CDH26: variants seen among roughly 807,000 people sequenced by gnomAD.
The protein encoded by CDH26 is cadherin 26.
Under a neutral mutation model 90.3 loss-of-function variants are expected in CDH26, and 83 were observed. The ratio of observed to expected loss-of-function variants is 0.92; its 90% CI spans 0.77 to 1.10. The LOEUF (loss-of-function observed/expected upper bound fraction) is 1.10, where lower values mean the gene tolerates loss of function less well. CDH26 is among the 50% of genes least tolerant of loss of function. The pLI, the probability that CDH26 is intolerant of heterozygous loss-of-function variation, is 0.00. For synonymous variants in CDH26, 397 were observed against 396.3 expected (o/e 1.00, Z -0.02); for missense variants, 1,013 against 1,037.6 (o/e 0.98, Z 0.33).
intron 4 of CDH26, among the ~76,000 whole-genome samples, chr20:59,977,354 C>G (rs931361436): frequency 6.6e-6 from 1 of 152,186 alleles, no homozygotes; most frequent in African/African-American, 2.4e-5. Flanking sequence ...TTCCCACTCC[C>G]TTTTCTGCGA....
chr20:60,029,506 T>A (rs921371537), intron 7 of CDH26, among the ~76,000 whole-genome samples: 1 of 152,096 alleles, frequency 6.6e-6, no homozygotes, highest in African/African-American at 2.4e-5. Flanking sequence ...CTAGGATACA[T>A]GTGCAGAAGG....
intron 4 of CDH26, among the ~76,000 whole-genome samples, chr20:59,977,882 G>T (rs1197147829): frequency 6.6e-6 from 1 of 152,130 alleles, no homozygotes; most frequent in Non-Finnish European, 1.5e-5. Flanking sequence ...GTATAGAATA[G>T]TTTCACTGCT....
exon 9 of CDH26, chr20:60,033,602 A>G (rs1230320988): frequency 7.7e-7 from 1 of 1,304,848 alleles, no homozygotes; most frequent in Non-Finnish European, 1.0e-6. Flanking sequence ...ACCCCTTAAC[A>G]AAAAGGCATG....
At chr20:60,023,893 G>A (rs562844694) in intron 7 of CDH26, among the ~76,000 whole-genome samples, 1 of 152,076 alleles carries the variant, frequency 6.6e-6, no homozygotes, top group Admixed American at 6.5e-5. Context: ...TCATTTGAAG[G>A]GTTTTGTCTT....
chr20:60,001,590 G>C (rs2061678003), intron 15 of CDH26, 179 bp downstream of exon 15: 2 of 985,402 alleles, frequency 2.0e-6, no homozygotes, highest in Non-Finnish European at 2.4e-6. Context: ...TATAGAACTA[G>C]GTATTATTAT....
At chr20:60,002,924 G>A (rs2061695473) in intron 16 of CDH26, 58 bp downstream of exon 16, 1 of 1,327,754 alleles carries the variant, frequency 7.5e-7, no homozygotes, top group Admixed American at 2.3e-5. Context: ...CTGCCTAAAA[G>A]CTGTGCAAAT....
At chr20:60,024,901 T>G (rs1293165161) in intron 7 of CDH26, among the ~76,000 whole-genome samples, 1 of 152,224 alleles carries the variant, frequency 6.6e-6, no homozygotes, top group Admixed American at 6.5e-5. Context: ...ATTCATGTAG[T>G]GGCAGCAGAG....
chr20:59,996,147 T>C, intron 12 of CDH26, 93 bp downstream of exon 12: 2 of 1,270,308 alleles, frequency 1.6e-6, no homozygotes, highest in Admixed American at 2.2e-5. Flanking sequence ...GGGACAGCGG[T>C]GGCAGGATTG....
At chr20:59,982,892 T>A in intron 4 of CDH26, 31 bp from the exon 5 acceptor site, 2 of 1,608,708 alleles carry the variant, frequency 1.2e-6, no homozygotes, top group South Asian at 1.1e-5. Context: ...TAAATGGTTC[T>A]GCAGGATTTT....
At position 60,010,683 on chromosome 20, in the gene CDH26, G is replaced by T. The variant is rs530361791; in HGVS notation, c.2296-1844G>T. Among the ~76,000 whole-genome samples the T allele has an allele frequency of 2.6e-5, 4 of 152,336 alleles. No homozygotes were observed. The East Asian group carries it at 7.7e-4, about 29-fold the overall frequency. On this transcript the variant is annotated intron_variant, in intron 17 of 17. Coordinates refer to ENST00000348616, the MANE Select transcript of CDH26 (RefSeq NM_177980.4). ...ATGAAGCCTAGGAAATGTTTCTGGG[G>T]TTTGTGCAGAGGGTGGACCTAAGGC...
intron 10 of CDH26, among the ~76,000 whole-genome samples, chr20:59,993,977 G>A (rs1447564347): frequency 6.6e-6 from 1 of 152,064 alleles, no homozygotes; most frequent in Non-Finnish European, 1.5e-5. Flanking sequence ...TGGCACCATT[G>A]ATTGACCTTT....
downstream of CDH26, among the ~76,000 whole-genome samples, chr20:60,017,393 G>A (rs570345798): frequency 2.4e-4 from 37 of 151,938 alleles, no homozygotes; most frequent in African/African-American, 8.0e-4. Context: ...CAAATTTACC[G>A]GCATATAGTT....
intron 1 of CDH26, among the ~76,000 whole-genome samples, 186 bp downstream of exon 1, chr20:59,958,981 G>A (rs1197348461): frequency 6.6e-6 from 1 of 152,196 alleles, no homozygotes; most frequent in Non-Finnish European, 1.5e-5. Context: ...GGAAGTTAAG[G>A]GTCCCAGTCT....
chr20:59,958,817 G>C (rs1195822479), intron 1 of CDH26, 22 bp downstream of exon 1: 3 of 1,608,606 alleles, frequency 1.9e-6, no homozygotes, highest in African/African-American at 1.3e-5. Context: ...CTGCAGCCTA[G>C]TGCTCAGGTG....
intron 9 of CDH26, among the ~76,000 whole-genome samples, chr20:59,991,662 G>C (rs1299120358): frequency 6.6e-6 from 1 of 152,208 alleles, no homozygotes; most frequent in East Asian, 1.9e-4. Context: ...TTGCCCAGAA[G>C]ATGAAGGAAA....
At chr20:60,001,100 G>A (rs1281486642) in intron 14 of CDH26, among the ~76,000 whole-genome samples, 3 of 152,078 alleles carry the variant, frequency 2.0e-5, no homozygotes, top group African/African-American at 7.2e-5. Flanking sequence ...GAACATTAGC[G>A]TCTTCATGTT....
At chr20:59,959,945 C>T (rs1476863247) in intron 1 of CDH26, among the ~76,000 whole-genome samples, 3 of 152,164 alleles carry the variant, frequency 2.0e-5, no homozygotes, top group East Asian at 1.9e-4. Context: ...TGATCTGCTT[C>T]GTTGGCTTTC....
chr20:59,999,666 A>G lies in CDH26; in HGVS notation c.2097+3A>G, dbSNP rs780879820. On this transcript the variant is annotated splice_donor_region_variant and intron_variant, in intron 14 of 17. Transcript: ENST00000348616. Reference sequence around the variant, plus strand: ...CAGGACCCACGCAGGGAGTTAAGGTAACATGCCCCTTACTTGCTTCTGGAT... The same window carrying G: ...CAGGACCCACGCAGGGAGTTAAGGTGACATGCCCCTTACTTGCTTCTGGAT... 3.0e-5 allele frequency: 49 copies of G among 1,613,658 alleles called. No homozygotes were observed. In the South Asian group the frequency reaches 4.2e-4, roughly 14 times the overall value.
intron 7 of CDH26, among the ~76,000 whole-genome samples, chr20:60,024,500 G>C (rs902362489): frequency 3.3e-5 from 5 of 152,212 alleles, no homozygotes; most frequent in African/African-American, 1.2e-4. Flanking sequence ...TGTATTGAGA[G>C]CAAGTAACTT....
Sources: allele counts gnomAD v4.1 joint callset (sites outside exome capture counted in the v4.1 genomes callset), GRCh38; gene constraint gnomAD v4.1.1; transcripts MANE v1.5; gene names NCBI Gene and HGNC (gene_info 2026-07-23, HGNC 2026-07-21).